Variants in KIAA1671 observed in about 807,000 individuals in gnomAD.
KIAA1671 encodes uncharacterized protein KIAA1671.
In KIAA1671, 52 loss-of-function variants were observed where a neutral mutation model predicts 131.2. The observed-to-expected ratio is 0.40, with a 90% confidence interval of 0.32 to 0.50. KIAA1671 has a LOEUF of 0.50. KIAA1671 is among the 20% of genes least tolerant of loss of function. The probability of loss-of-function intolerance (pLI) is 0.73; values close to 1 mark genes in which losing one functional copy is unlikely to be tolerated. For missense variants in KIAA1671, 2,360 were observed against 2,364.2 expected (o/e 1.00, Z 0.04); for synonymous variants, 1,003 against 961.6 (o/e 1.04, Z -0.80).
In KIAA1671 at chr22:24,964,578, T is replaced by C. The variant is rs191559698; in HGVS notation, c.-208+11806T>C. Among the ~76,000 whole-genome samples, 975 of 152,192 alleles carry C rather than the reference T, an allele frequency of 6.4e-3. 7 individuals carry two copies. The highest frequency in any genetic ancestry group is 0.024 in the Middle Eastern group (7 of 294). ...CTGGGACCAAAGGAATGCGCCACCA[T>C]GTCCAGCTAATTAAAAAATTTTTTT... On this transcript the variant is annotated intron_variant, in intron 1 of 12. Transcript: ENST00000358431.
chr22:25,049,502 C>G (rs935973572), intron 6 of KIAA1671, 138 bp downstream of exon 6: 1 of 902,228 alleles, frequency 1.1e-6, no homozygotes, highest in Non-Finnish European at 1.6e-6. Context: ...GTCCAGGAAT[C>G]TGGTGTCACC....
chr22:25,116,181 C>T (rs1931648490), intron 6 of KIAA1671, among the ~76,000 whole-genome samples: 1 of 152,122 alleles, frequency 6.6e-6, no homozygotes, highest in African/African-American at 2.4e-5. Context: ...TGCGTTCAAG[C>T]CATCCTCTCA....
At chr22:24,972,153 A>T (rs752912812) in intron 1 of KIAA1671, among the ~76,000 whole-genome samples, 174 of 152,356 alleles carry the variant, frequency 1.1e-3, no homozygotes, top group Admixed American at 2.4e-3. Flanking sequence ...GACCAACATT[A>T]TGCAAAATGT....
intron 6 of KIAA1671, chr22:25,060,214 G>C (rs1314904224): frequency 6.6e-6 from 1 of 152,148 alleles, no homozygotes; most frequent in African/African-American, 2.4e-5. Context: ...ATGGACTCTT[G>C]CTCTGTTGCC....
chr22:25,124,226 G>T (rs140489924), intron 6 of KIAA1671, among the ~76,000 whole-genome samples: 187 of 152,310 alleles, frequency 1.2e-3, no homozygotes, highest in African/African-American at 4.4e-3. Flanking sequence ...TTCATTGTAA[G>T]AGCTGGGCCA....
At chr22:25,122,603 T>C (rs1231885268) in intron 6 of KIAA1671, among the ~76,000 whole-genome samples, 1 of 152,178 alleles carries the variant, frequency 6.6e-6, no homozygotes. Context: ...TGCCCTTGAA[T>C]TCTTTCTTGG....
intron 6 of KIAA1671, among the ~76,000 whole-genome samples, chr22:25,115,176 A>T (rs148984301): frequency 2.4e-4 from 37 of 152,310 alleles, no homozygotes; most frequent in Non-Finnish European, 5.3e-4. Flanking sequence ...CTGCACTCCC[A>T]TGTGAGCCTG....
At chr22:24,980,925 T>G (rs1923197072) in intron 1 of KIAA1671, among the ~76,000 whole-genome samples, 1 of 151,994 alleles carries the variant, frequency 6.6e-6, no homozygotes, top group Admixed American at 6.6e-5. Context: ...TTTTGTATTT[T>G]TAGTAGAGAC....
At chr22:24,993,735 T>C (rs1327666843) in intron 1 of KIAA1671, among the ~76,000 whole-genome samples, 2 of 152,160 alleles carry the variant, frequency 1.3e-5, no homozygotes, top group African/African-American at 4.8e-5. Context: ...TGGCACATAA[T>C]AGGTCAATAT....
chr22:25,024,734 C>A (rs1925842949), intron 1 of KIAA1671: 1 of 152,286 alleles, frequency 6.6e-6, no homozygotes, highest in South Asian at 2.1e-4. Context: ...ATTCAGTAAT[C>A]ATGTATCTGG....
At chr22:25,191,298 G>A (rs879521637) in intron 12 of KIAA1671, among the ~76,000 whole-genome samples, 3 of 152,132 alleles carry the variant, frequency 2.0e-5, no homozygotes, top group East Asian at 1.9e-4. Context: ...TGGAATTACA[G>A]GTGCCTGCCA....
chr22:25,028,300 C>T lies in KIAA1671; in HGVS notation c.301C>T (p.Pro101Ser). ...PSPSGGLSEE[P>S]AAKDLDNRMP... The stretch of plus-strand genomic sequence containing the variant: ...CCCCTCTGGGGGGCTCTCTGAGGAG[C>T]CAGCAGCAAAGGATCTGGACAACAG... Residue 101 changes from proline to serine, a missense_variant, in exon 3 of 13, where the codon CCA becomes TCA. Physicochemically the swap from Pro to Ser is moderately conservative, Grantham distance 74. Coordinates refer to ENST00000358431, the MANE Select transcript of KIAA1671 (RefSeq NM_001145206.2). The T allele has an allele frequency of 6.4e-7, 1 of 1,551,222 alleles. No individual in the cohort carries two copies. The highest frequency in any genetic ancestry group is 8.7e-7 in the Non-Finnish European group (1 of 1,147,004).
intron 6 of KIAA1671, among the ~76,000 whole-genome samples, chr22:25,099,420 T>C (rs1930543873): frequency 6.6e-6 from 1 of 151,962 alleles, no homozygotes; most frequent in African/African-American, 2.4e-5. Flanking sequence ...GCACACACAA[T>C]ATGTCCTGTC....
At chr22:25,181,549 G>T in intron 9 of KIAA1671, 150 bp from the exon 10 acceptor site, 2 of 847,424 alleles carry the variant, frequency 2.4e-6, no homozygotes, top group Non-Finnish European at 3.6e-6. Flanking sequence ...CAGGCACCTT[G>T]GTGGTCCTCA....
chr22:24,987,997 G>A (rs928404506), intron 1 of KIAA1671, among the ~76,000 whole-genome samples: 2 of 151,370 alleles, frequency 1.3e-5, no homozygotes, highest in African/African-American at 2.4e-5. Context: ...CTGCCTGGGC[G>A]GGGCACGGTG....
At chr22:25,044,965 C>G (rs1230563113) in intron 5 of KIAA1671, among the ~76,000 whole-genome samples, 2 of 152,116 alleles carry the variant, frequency 1.3e-5, no homozygotes, top group Non-Finnish European at 2.9e-5. Context: ...TTGAGACCAT[C>G]CTGGCTAACA....
chr22:25,002,089 C>T (rs866803231), intron 1 of KIAA1671, among the ~76,000 whole-genome samples: 5 of 152,096 alleles, frequency 3.3e-5, no homozygotes, highest in African/African-American at 7.2e-5. Context: ...AAACACTTCT[C>T]GAAACCCTTT....
At chr22:24,976,818 C>T (rs1022424131) in intron 1 of KIAA1671, among the ~76,000 whole-genome samples, 3 of 143,048 alleles carry the variant, frequency 2.1e-5, no homozygotes, top group Admixed American at 7.0e-5. Context: ...CTGGGAAATG[C>T]AAGGGTGGAA....
At position 25,185,117 on chromosome 22, in the gene KIAA1671, G is replaced by A; in HGVS notation, c.5340G>A (p.Glu1780=). 1 of 1,547,438 alleles carries A rather than the reference G, an allele frequency of 6.5e-7. No individual in the cohort carries two copies. Among genetic ancestry groups the A allele is most frequent in the Non-Finnish European group, 8.7e-7 (1 of 1,144,492 alleles). ...TGCCTTCCAGCATGGACAAGGATGA[G>A]AGGTGAGGGGTCTTGGGGAATGGGG... ...RVLPSSMDKD[E]RSDEPSPQWL... Residue 1780 remains glutamate, a splice_region_variant and synonymous_variant, in exon 11 of 13, where the codon GAG becomes GAA. Coordinates refer to ENST00000358431, the MANE Select transcript of KIAA1671 (RefSeq NM_001145206.2).
Sources: gnomAD v4.1 joint callset for allele counts (sites outside exome capture counted in the v4.1 genomes callset) on GRCh38, gnomAD v4.1.1 for gene constraint, MANE v1.5 for transcripts, NCBI Gene and HGNC (gene_info 2026-07-23, HGNC 2026-07-21) for gene names.